The following GLIS3 variants were observed in gnomAD, a reference collection of about 807,000 sequenced individuals.
The protein encoded by GLIS3 is zinc finger protein GLIS3.
A neutral mutation model predicts 78.6 loss-of-function variants in GLIS3; 53 were observed. That is an observed-to-expected ratio of 0.67 (90% CI 0.54 to 0.85). The LOEUF (loss-of-function observed/expected upper bound fraction) is 0.85. GLIS3 is among the 40% of genes least tolerant of loss of function. GLIS3 has a pLI of 0.00. For missense variants in GLIS3, 1,703 were observed against 1,231.1 expected (o/e 1.38, Z -5.74); for synonymous variants, 684 against 509.9 (o/e 1.34, Z -4.60).
chr9:4,372,867 T>C, the GLIS3 span, among the ~76,000 whole-genome samples: 2 of 152,188 alleles, frequency 1.3e-5, no homozygotes, highest in Non-Finnish European at 2.9e-5. Context: ...CCCTAAGCAA[T>C]GATAGGGACT....
chr9:4,193,228 G>C (rs1023233003), intron 2 of GLIS3, among the ~76,000 whole-genome samples: 1 of 152,166 alleles, frequency 6.6e-6, no homozygotes, highest in Non-Finnish European at 1.5e-5. Flanking sequence ...TTTTAAAACG[G>C]CTTTGAAAAA....
At chr9:4,312,653 C>G (rs367842181) in intron 2 of GLIS3, among the ~76,000 whole-genome samples, 1 of 152,242 alleles carries the variant, frequency 6.6e-6, no homozygotes, top group Non-Finnish European at 1.5e-5. Flanking sequence ...CTTCACCTGA[C>G]TATGCTGTTA....
At chr9:3,994,830 G>A (rs1191279816) in intron 4 of GLIS3, among the ~76,000 whole-genome samples, 2 of 152,166 alleles carry the variant, frequency 1.3e-5, no homozygotes, top group African/African-American at 2.4e-5. Flanking sequence ...GGCGGCTAAA[G>A]TGTTTAAAAG....
At chr9:4,313,220 G>A (rs1223361462) in intron 2 of GLIS3, among the ~76,000 whole-genome samples, 2 of 152,186 alleles carry the variant, frequency 1.3e-5, no homozygotes, top group Non-Finnish European at 2.9e-5. Flanking sequence ...TCTAATGAGT[G>A]TCACCCTAAG....
chr9:4,344,956 A>T (rs901541266), intron 2 of GLIS3, among the ~76,000 whole-genome samples: 1 of 152,172 alleles, frequency 6.6e-6, no homozygotes, highest in Non-Finnish European at 1.5e-5. Flanking sequence ...TCCAAGTTGT[A>T]CTTATCTCTC....
intron 2 of GLIS3, among the ~76,000 whole-genome samples, chr9:4,186,568 C>T (rs537614063): frequency 2.8e-4 from 42 of 151,650 alleles, no homozygotes; most frequent in Admixed American, 7.9e-4. Context: ...CCTGAGGAAT[C>T]GCCACACTGA....
the GLIS3 span, among the ~76,000 whole-genome samples, chr9:4,449,070 G>C: frequency 6.6e-6 from 1 of 152,172 alleles, no homozygotes; most frequent in Non-Finnish European, 1.5e-5. Context: ...CCTAGCCAAG[G>C]GAAGCTGTGA....
chr9:3,874,802 T>G (rs1305997527), intron 8 of GLIS3, among the ~76,000 whole-genome samples: 2 of 151,962 alleles, frequency 1.3e-5, no homozygotes, highest in Non-Finnish European at 2.9e-5. Context: ...AAAAAACACT[T>G]TGTTTTTTTT....
chr9:4,401,384 C>T, the GLIS3 span, among the ~76,000 whole-genome samples: 1 of 149,622 alleles, frequency 6.7e-6, no homozygotes, highest in Admixed American at 6.7e-5. Flanking sequence ...CTCAGCCTCC[C>T]GATTAGCTGG....
At chr9:4,131,629 T>C (rs1313501072) in intron 2 of GLIS3, among the ~76,000 whole-genome samples, 2 of 152,238 alleles carry the variant, frequency 1.3e-5, no homozygotes, top group African/African-American at 4.8e-5. Context: ...TCTGCCATCA[T>C]TGAAAGTTTC....
At chr9:4,417,825 G>A in the GLIS3 span, among the ~76,000 whole-genome samples, 1 of 152,176 alleles carries the variant, frequency 6.6e-6, no homozygotes, top group Non-Finnish European at 1.5e-5. Context: ...TTTTGCTTGT[G>A]ACTTTAAAGT....
the GLIS3 span, among the ~76,000 whole-genome samples, chr9:4,411,614 A>G: frequency 1.3e-5 from 2 of 152,098 alleles, no homozygotes; most frequent in African/African-American, 4.8e-5. Context: ...CTTCCATTTG[A>G]CCTAATTTTT....
intron 2 of GLIS3, among the ~76,000 whole-genome samples, chr9:4,317,651 T>C (rs147570841): frequency 6.6e-6 from 1 of 152,366 alleles, no homozygotes; most frequent in Non-Finnish European, 1.5e-5. Flanking sequence ...ATGTATCTTT[T>C]TTAAAAATCA....
At chr9:4,346,670 G>GAATTTC (rs1268022798) in intron 2 of GLIS3, among the ~76,000 whole-genome samples, 2 of 8,770 alleles carry the variant, frequency 2.3e-4, no homozygotes, top group African/African-American at 2.5e-4. Context: ...ATAATGGATG[G>GAATTTC]AGCCGGGCGC....
At chr9:4,194,764 C>T (rs538393169) in intron 2 of GLIS3, among the ~76,000 whole-genome samples, 5 of 152,324 alleles carry the variant, frequency 3.3e-5, no homozygotes, top group African/African-American at 1.2e-4. Context: ...TCCACTGAAG[C>T]TCCGGGCAAC....
intron 4 of GLIS3, among the ~76,000 whole-genome samples, chr9:3,980,220 A>G (rs1819141004): frequency 6.6e-6 from 1 of 152,222 alleles, no homozygotes; most frequent in Admixed American, 6.5e-5. Flanking sequence ...TCTAGTGTAA[A>G]TGGCTTTTTG....
intron 9 of GLIS3, among the ~76,000 whole-genome samples, chr9:3,852,394 C>G (rs924747423): frequency 6.6e-6 from 1 of 152,176 alleles, no homozygotes. Flanking sequence ...CTCACTTGAG[C>G]TATTGCATTA....
the GLIS3 span, among the ~76,000 whole-genome samples, chr9:4,449,478 G>C: frequency 9.2e-5 from 14 of 152,192 alleles, no homozygotes; most frequent in Non-Finnish European, 1.6e-4. Context: ...GGTTCTACCA[G>C]CATGGTGTTC....
chr9:4,151,742 G>A (rs929315135), intron 2 of GLIS3, among the ~76,000 whole-genome samples: 12 of 152,124 alleles, frequency 7.9e-5, no homozygotes, highest in African/African-American at 2.7e-4. Flanking sequence ...TTATGTCTAT[G>A]AGTTTGGATA....
Sources: gnomAD v4.1 joint callset for allele counts (sites outside exome capture counted in the v4.1 genomes callset) on GRCh38, gnomAD v4.1.1 for gene constraint, MANE v1.5 for transcripts, NCBI Gene and HGNC (gene_info 2026-07-23, HGNC 2026-07-21) for gene names.